SNX29: variants seen among roughly 807,000 people sequenced by gnomAD.
SNX29 encodes sorting nexin-29.
A neutral mutation model predicts 102.1 loss-of-function variants in SNX29; 78 were observed. The observed-to-expected ratio is 0.76, with a 90% CI of 0.64 to 0.92. The LOEUF (loss-of-function observed/expected upper bound fraction) is 0.92, where lower values mean the gene tolerates loss of function less well. Ranked by LOEUF, SNX29 falls within the 40% of genes least tolerant of loss-of-function variation. The pLI, the probability that SNX29 is intolerant of heterozygous loss-of-function variation, is 0.00. For missense variants in SNX29, 1,280 were observed against 1,061.7 expected (o/e 1.21, Z -2.86); for synonymous variants, 580 against 414.5 (o/e 1.40, Z -4.85).
intron 14 of SNX29, among the ~76,000 whole-genome samples, chr16:12,272,858 G>A (rs1445796213): frequency 6.6e-6 from 1 of 151,870 alleles, no homozygotes; most frequent in Non-Finnish European, 1.5e-5. Flanking sequence ...TTCAGTTTTT[G>A]GAATTACTTA....
chr16:12,426,923 C>T (rs2085103822), intron 18 of SNX29, among the ~76,000 whole-genome samples: 1 of 152,182 alleles, frequency 6.6e-6, no homozygotes, highest in African/African-American at 2.4e-5. Context: ...GCCTCGGCCT[C>T]CCAAAGTGCT....
chr16:12,031,928 A>G (rs2057357220), intron 4 of SNX29, among the ~76,000 whole-genome samples: 1 of 152,198 alleles, frequency 6.6e-6, no homozygotes, highest in African/African-American at 2.4e-5. Flanking sequence ...TTCACATGTC[A>G]TACAGTAATC....
intron 14 of SNX29, among the ~76,000 whole-genome samples, chr16:12,255,133 T>C (rs571614552): frequency 3.9e-5 from 6 of 152,210 alleles, no homozygotes; most frequent in South Asian, 2.1e-4. Flanking sequence ...CTTCACATAC[T>C]TTTTTTTGGT....
chr16:12,439,369 T>C (rs1234687501), intron 18 of SNX29, among the ~76,000 whole-genome samples: 1 of 152,196 alleles, frequency 6.6e-6, no homozygotes, highest in Non-Finnish European at 1.5e-5. Context: ...GCTTGGCTTC[T>C]GAGTTAGCCA....
At chr16:12,046,577 AC>A in intron 6 of SNX29, 123 bp downstream of exon 6, 1 of 833,224 alleles carries the variant, frequency 1.2e-6, no homozygotes, top group South Asian at 1.4e-5. Context: ...TCAATGAGTC[AC>A]TTGCTGCTGT....
rs1458742741 is a variant in SNX29 at position 12,574,250 on chromosome 16, CACAAATTGTGACATTTTATAAATTAGAT to C, written c.*5624_*5651del. The C allele has an allele frequency of 1.7e-5, 3 of 175,932 alleles. No individual in the cohort carries two copies. The highest frequency in any genetic ancestry group is 3.7e-5 in the Non-Finnish European group (3 of 81,690). The allele number at this position is 175,932 out of a possible 1,614,324, so 10.9% of individuals were successfully genotyped here. A position where few individuals can be genotyped will look rare whatever the true frequency, so the allele number is the denominator to read the frequency against. On this transcript the variant is annotated 3_prime_UTR_variant, in exon 21 of 21. Transcript: ENST00000566228. ...GTTGAGATCAACCTCTTTACAATGACACAAATTGTGACATTTTATAAATTAGATACTTCAGTGGATGGTCTCTGTCTCA... is the reference window on the plus strand; with the variant it reads ...GTTGAGATCAACCTCTTTACAATGACACTTCAGTGGATGGTCTCTGTCTCA...
intron 20 of SNX29, chr16:12,561,285 G>A (rs1360673354): frequency 8.7e-6 from 2 of 230,554 alleles, no homozygotes; most frequent in Non-Finnish European, 1.7e-5. Context: ...GACACAGGGA[G>A]AACATTCTCC....
intron 1 of SNX29, among the ~76,000 whole-genome samples, chr16:11,983,098 T>A (rs1016395926): frequency 6.6e-6 from 1 of 151,950 alleles, no homozygotes; most frequent in Admixed American, 6.6e-5. Flanking sequence ...GCCTGGCTAA[T>A]TTTTTGTATT....
intron 15 of SNX29, among the ~76,000 whole-genome samples, chr16:12,330,506 C>G (rs2081263551): frequency 6.6e-6 from 1 of 152,202 alleles, no homozygotes; most frequent in Non-Finnish European, 1.5e-5. Context: ...GTGAGCCACG[C>G]TTTCACTGCG....
At chr16:12,269,923 C>G (rs1176122555) in intron 14 of SNX29, among the ~76,000 whole-genome samples, 1 of 151,824 alleles carries the variant, frequency 6.6e-6, no homozygotes, top group Non-Finnish European at 1.5e-5. Flanking sequence ...TGCAGTGGTG[C>G]GATCTTGGGT....
intron 11 of SNX29, among the ~76,000 whole-genome samples, chr16:12,091,565 T>C (rs566677518): frequency 4.3e-4 from 65 of 151,678 alleles, no homozygotes; most frequent in African/African-American, 1.5e-3. Flanking sequence ...GGCAGGAGGA[T>C]TGCTTGATCC....
chr16:12,554,938 G>C (rs7195739), intron 20 of SNX29, among the ~76,000 whole-genome samples: 1 of 151,772 alleles, frequency 6.6e-6, no homozygotes, highest in East Asian at 1.9e-4. Context: ...CAGCAAGCAC[G>C]GCCTCTGGAG....
intron 4 of SNX29, among the ~76,000 whole-genome samples, chr16:12,028,560 TG>T (rs2057254730): frequency 6.6e-6 from 1 of 151,990 alleles, no homozygotes; most frequent in South Asian, 2.1e-4. Context: ...ACAGAGATCT[TG>T]TTCTGTTGGC....
At chr16:12,235,173 A>G (rs1292264896) in intron 14 of SNX29, among the ~76,000 whole-genome samples, 1 of 152,064 alleles carries the variant, frequency 6.6e-6, no homozygotes, top group Non-Finnish European at 1.5e-5. Flanking sequence ...AGTTGGAAAC[A>G]GGCTCACTTG....
intron 20 of SNX29, among the ~76,000 whole-genome samples, chr16:12,536,449 T>A (rs1315149249): frequency 2.0e-5 from 3 of 152,068 alleles, no homozygotes; most frequent in Non-Finnish European, 4.4e-5. Context: ...AGGCTTGGGT[T>A]TGACTCAAGG....
intron 14 of SNX29, among the ~76,000 whole-genome samples, chr16:12,251,454 A>G (rs573475500): frequency 2.4e-4 from 36 of 152,268 alleles, no homozygotes; most frequent in Middle Eastern, 3.4e-3. Flanking sequence ...TGTAATCCCA[A>G]CACTTTGGGG....
intron 19 of SNX29, among the ~76,000 whole-genome samples, chr16:12,512,766 C>G (rs2089688505): frequency 6.6e-6 from 1 of 152,106 alleles, no homozygotes; most frequent in Admixed American, 6.5e-5. Context: ...GGGCCTGGCA[C>G]AGAAGTGAAG....
chr16:12,222,633 A>G (rs892477993), intron 14 of SNX29, among the ~76,000 whole-genome samples: 9 of 151,910 alleles, frequency 5.9e-5, no homozygotes, highest in African/African-American at 9.7e-5. Flanking sequence ...CAATGGTGCA[A>G]TCTTGGCTCC....
At chr16:12,055,056 T>C (rs1224739953) in intron 8 of SNX29, among the ~76,000 whole-genome samples, 1 of 152,122 alleles carries the variant, frequency 6.6e-6, no homozygotes, top group Non-Finnish European at 1.5e-5. Context: ...TCTTGTGACC[T>C]GCTGTGTTAT....
Sources: allele counts gnomAD v4.1 joint callset (sites outside exome capture counted in the v4.1 genomes callset), GRCh38; gene constraint gnomAD v4.1.1; transcripts MANE v1.5; gene names NCBI Gene and HGNC (gene_info 2026-07-23, HGNC 2026-07-21).